The following PRKN variants were observed in gnomAD, a reference collection of about 807,000 sequenced individuals.
PRKN encodes the protein parkin RBR E3 ubiquitin protein ligase.
Under a neutral mutation model 59.5 loss-of-function variants are expected in PRKN, and 56 were observed. The ratio of observed to expected loss-of-function variants is 0.94; its 90% CI spans 0.76 to 1.18. The LOEUF (loss-of-function observed/expected upper bound fraction) is 1.18. Ranked by LOEUF, PRKN falls within the 50% of genes most tolerant of loss-of-function variation. PRKN has a pLI of 0.00. For synonymous variants in PRKN, 250 were observed against 222.1 expected (o/e 1.13, Z -1.12); for missense variants, 657 against 596.4 (o/e 1.10, Z -1.06).
chr6:161,465,010 C>T (rs1220747074), intron 9 of PRKN, among the ~76,000 whole-genome samples: 12 of 152,284 alleles, frequency 7.9e-5, no homozygotes, highest in South Asian at 2.1e-4. Context: ...TCAACAAAAG[C>T]GATAGGCTGC....
chr6:161,889,420 G>A (rs1273454713), intron 6 of PRKN, among the ~76,000 whole-genome samples: 1 of 152,196 alleles, frequency 6.6e-6, no homozygotes, highest in Non-Finnish European at 1.5e-5. Flanking sequence ...TCACCACTGA[G>A]CAACAGAGAG....
intron 4 of PRKN, among the ~76,000 whole-genome samples, chr6:162,132,948 GAACAGT>G (rs1384836197): frequency 6.6e-6 from 1 of 152,208 alleles, no homozygotes; most frequent in African/African-American, 2.4e-5. Flanking sequence ...GATACTGAGT[GAACAGT>G]CTAGAAGCTC....
intron 1 of PRKN, among the ~76,000 whole-genome samples, chr6:162,659,209 A>C (rs1778786006): frequency 6.6e-6 from 1 of 152,162 alleles, no homozygotes; most frequent in African/African-American, 2.4e-5. Flanking sequence ...GGCTATGCCT[A>C]ATTTTACACT....
intron 7 of PRKN, among the ~76,000 whole-genome samples, chr6:161,726,390 C>A (rs564626038): frequency 1.3e-5 from 2 of 152,228 alleles, no homozygotes; most frequent in South Asian, 4.2e-4. Flanking sequence ...AAAAAATCTG[C>A]CAAAGTAACC....
In PRKN at chr6:162,265,948, A is replaced by G. The variant is rs972937593; in HGVS notation, c.172-3183T>C. On this transcript the variant is annotated intron_variant, in intron 2 of 11. Coordinates refer to ENST00000366898, the MANE Select transcript of PRKN (RefSeq NM_004562.3). ...ATTTTCCATTCTATTTGGACAAGCTATCACTGTCCATGATCAGCTCCGTGT... is the reference window on the plus strand; with the variant it reads ...ATTTTCCATTCTATTTGGACAAGCTGTCACTGTCCATGATCAGCTCCGTGT... 3.3e-5 allele frequency among the ~76,000 whole-genome samples: 5 copies of G among 152,174 alleles called. No individual in the cohort carries two copies. In the East Asian group the frequency reaches 7.7e-4, roughly 23 times the overall value.
intron 1 of PRKN, among the ~76,000 whole-genome samples, chr6:162,485,501 C>T (rs1792497647): frequency 6.6e-6 from 1 of 152,102 alleles, no homozygotes; most frequent in Admixed American, 6.5e-5. Flanking sequence ...CAGCAGAAAG[C>T]CAAAATAAAT....
At chr6:161,639,834 G>A (rs947092564) in intron 7 of PRKN, among the ~76,000 whole-genome samples, 1 of 152,358 alleles carries the variant, frequency 6.6e-6, no homozygotes, top group African/African-American at 2.4e-5. Context: ...ACACAAAGCA[G>A]TTGATATTTT....
intron 7 of PRKN, among the ~76,000 whole-genome samples, chr6:161,631,355 A>G (rs900832178): frequency 2.0e-4 from 30 of 152,236 alleles, no homozygotes; most frequent in African/African-American, 6.0e-4. Context: ...AATACACTAG[A>G]GTACCAGTAA....
intron 2 of PRKN, among the ~76,000 whole-genome samples, chr6:162,400,783 GA>G (rs751913233): frequency 2.2e-4 from 33 of 151,992 alleles, no homozygotes; most frequent in Non-Finnish European, 4.6e-4. Context: ...AATGCTTATG[GA>G]ACAGTCATTT....
At chr6:162,396,331 GTGTTGTCCAGCCCTCCTTGC>G (rs1343142860) in intron 2 of PRKN, among the ~76,000 whole-genome samples, 1 of 152,218 alleles carries the variant, frequency 6.6e-6, no homozygotes, top group African/African-American at 2.4e-5. Flanking sequence ...GTCAGCATTA[GTGTTGTCCAGCCCTCCTTGC>G]TGCCCCACCA....
chr6:161,732,259 G>A (rs996727892), intron 7 of PRKN, among the ~76,000 whole-genome samples: 1 of 151,964 alleles, frequency 6.6e-6, no homozygotes, highest in East Asian at 1.9e-4. Flanking sequence ...GCTAATTTTT[G>A]TATGTTTAGT....
intron 7 of PRKN, among the ~76,000 whole-genome samples, chr6:161,748,482 G>C (rs116823127): frequency 6.6e-6 from 1 of 151,950 alleles, no homozygotes; most frequent in Non-Finnish European, 1.5e-5. Context: ...TCCCACCCGC[G>C]CTTTGATTTT....
intron 1 of PRKN, among the ~76,000 whole-genome samples, chr6:162,719,378 T>C (rs1415665159): frequency 2.6e-5 from 4 of 151,918 alleles, no homozygotes; most frequent in South Asian, 2.1e-4. Flanking sequence ...CAGAGAGCTA[T>C]AAAGGACTTT....
chr6:161,889,866 AT>A lies in PRKN; in HGVS notation c.734+83435del, dbSNP rs555070158. Among the ~76,000 whole-genome samples, 39 of 152,298 alleles carry A rather than the reference AT, an allele frequency of 2.6e-4. 1 individual carries two copies. The South Asian group carries it at 5.2e-3, about 20-fold the overall frequency. The stretch of plus-strand genomic sequence containing the variant: ...AAATGACAGCTTCCAATTATCTGTA[AT>A]TTTTTTAATGTTTTCAAAGCACTTA... On this transcript the variant is annotated intron_variant, in intron 6 of 11. Transcript: ENST00000366898.
chr6:162,569,500 C>A lies in PRKN; in HGVS notation c.8-126027G>T, dbSNP rs960279124. 53 of 694,126 alleles carry A rather than the reference C, an allele frequency of 7.6e-5. 1 individual carries two copies. Among genetic ancestry groups the A allele is most frequent in the Non-Finnish European group, 1.4e-4 (50 of 368,006 alleles). The allele number at this position is 694,126 out of a possible 1,614,324, so 43.0% of individuals were successfully genotyped here. On this transcript the variant is annotated intron_variant, in intron 1 of 11. Coordinates refer to ENST00000366898, the MANE Select transcript of PRKN (RefSeq NM_004562.3). ...GCCACCTGGAGTCTGGGATGCAGAA[C>A]ATGAGTATCCATACAAAGACCACCA...
chr6:161,635,793 T>G (rs1446085611), intron 7 of PRKN, among the ~76,000 whole-genome samples: 1 of 152,122 alleles, frequency 6.6e-6, no homozygotes, highest in Non-Finnish European at 1.5e-5. Flanking sequence ...GGATTAATGA[T>G]CAAGGAAATC....
intron 1 of PRKN, among the ~76,000 whole-genome samples, chr6:162,726,326 T>C (rs763548924): frequency 2.0e-5 from 3 of 152,228 alleles, no homozygotes; most frequent in Admixed American, 1.3e-4. Context: ...AGCACAGATA[T>C]TGGAAAATCT....
rs545786393 is a variant in PRKN at position 161,736,549 on chromosome 6, C to T, written c.871+49223G>A. ...TCCCTCCCCTTACCGGGGGCCATCC[C>T]CAGGGCAAAGAAAAGGAGGCTGAGA... On this transcript the variant is annotated intron_variant, in intron 7 of 11. Transcript: ENST00000366898. 4.6e-5 allele frequency among the ~76,000 whole-genome samples: 7 copies of T among 152,252 alleles called. No individual in the cohort carries two copies. In the South Asian group the frequency reaches 1.5e-3, roughly 32 times the overall value.
At chr6:162,058,382 T>G (rs1420386304) in intron 4 of PRKN, among the ~76,000 whole-genome samples, 1 of 152,166 alleles carries the variant, frequency 6.6e-6, no homozygotes, top group Non-Finnish European at 1.5e-5. Flanking sequence ...CCGTGCTCCC[T>G]GGGATGGTAG....
Sources: allele counts gnomAD v4.1 joint callset (sites outside exome capture counted in the v4.1 genomes callset), GRCh38; gene constraint gnomAD v4.1.1; transcripts MANE v1.5; gene names NCBI Gene and HGNC (gene_info 2026-07-23, HGNC 2026-07-21).